Variants in PTPRN2 observed in about 807,000 individuals in gnomAD.
PTPRN2 encodes receptor-type tyrosine-protein phosphatase N2.
In PTPRN2, 74 loss-of-function variants were observed where a neutral mutation model predicts 118.8. That is an observed-to-expected ratio of 0.62 (90% CI 0.52 to 0.76). PTPRN2 has a LOEUF of 0.76. Among genes scored for constraint, PTPRN2 ranks in the 30% least tolerant of loss-of-function variants. The probability of loss-of-function intolerance (pLI) is 0.00; values close to 1 mark genes in which losing one functional copy is unlikely to be tolerated. For synonymous variants in PTPRN2, 641 were observed against 608.0 expected (o/e 1.05, Z -0.80); for missense variants, 1,481 against 1,394.4 (o/e 1.06, Z -0.99).
At chr7:157,573,006 C>T (rs1784305198) in intron 19 of PTPRN2, among the ~76,000 whole-genome samples, 1 of 152,244 alleles carries the variant, frequency 6.6e-6, no homozygotes, top group Non-Finnish European at 1.5e-5. Context: ...GCCAGAGTGC[C>T]TTGAACATTC....
chr7:158,246,618 T>A (rs796370948), intron 3 of PTPRN2, among the ~76,000 whole-genome samples: 3 of 151,926 alleles, frequency 2.0e-5, no homozygotes, highest in African/African-American at 7.3e-5. Flanking sequence ...TTCTTCCTTT[T>A]TGACCTTTTT....
intron 1 of PTPRN2, among the ~76,000 whole-genome samples, chr7:158,551,193 A>T (rs1435448501): frequency 6.6e-6 from 1 of 152,230 alleles, no homozygotes; most frequent in Non-Finnish European, 1.5e-5. Context: ...CCCTATTCCC[A>T]CTGCGGATGG....
At chr7:158,463,350 A>G (rs993422836) in intron 2 of PTPRN2, among the ~76,000 whole-genome samples, 4 of 151,928 alleles carry the variant, frequency 2.6e-5, no homozygotes, top group Admixed American at 6.6e-5. Context: ...CATCATTACT[A>G]TCATCACCAT....
At chr7:157,781,501 A>G (rs1267527032) in intron 12 of PTPRN2, among the ~76,000 whole-genome samples, 1 of 152,218 alleles carries the variant, frequency 6.6e-6, no homozygotes, top group Non-Finnish European at 1.5e-5. Context: ...CTCAGACTTC[A>G]AGGTGAGATG....
chr7:158,490,444 G>A (rs1377005663), intron 1 of PTPRN2, among the ~76,000 whole-genome samples: 1 of 152,218 alleles, frequency 6.6e-6, no homozygotes, highest in Non-Finnish European at 1.5e-5. Flanking sequence ...GAAGCTCCGC[G>A]GTGCCTGGGT....
chr7:157,658,470 G>T (rs1157135378), intron 13 of PTPRN2, among the ~76,000 whole-genome samples: 11 of 152,154 alleles, frequency 7.2e-5, no homozygotes, highest in Admixed American at 4.6e-4. Flanking sequence ...TCACTGCAGG[G>T]TCTTCGACCC....
At position 158,082,056 on chromosome 7, in the gene PTPRN2, C is replaced by T. The variant is rs187701236; in HGVS notation, c.1644-679G>A. On this transcript the variant is annotated intron_variant, in intron 10 of 22. Coordinates refer to ENST00000389418, the MANE Select transcript of PTPRN2 (RefSeq NM_002847.5). The stretch of plus-strand genomic sequence containing the variant: ...ATTCCCAAAGACAGACAGACTGACC[C>T]CATGTCCACAGATGACAGCCATAGA... Among the ~76,000 whole-genome samples, 39 of 152,300 alleles carry T rather than the reference C, an allele frequency of 2.6e-4. 1 individual carries two copies. Among genetic ancestry groups the T allele is most frequent in the African/African-American group, 9.1e-4 (38 of 41,558 alleles).
chr7:158,219,284 C>T (rs1828173334), intron 3 of PTPRN2, among the ~76,000 whole-genome samples: 1 of 152,088 alleles, frequency 6.6e-6, no homozygotes, highest in African/African-American at 2.4e-5. Flanking sequence ...TATCCAGTTA[C>T]ATCAAAATTA....
chr7:158,155,505 C>A lies in PTPRN2; in HGVS notation c.910+11426G>T, dbSNP rs1201127438. Among the ~76,000 whole-genome samples the A allele has an allele frequency of 4.5e-5, 4 of 88,538 alleles. No homozygotes were observed. The South Asian group carries it at 1.5e-3, about 33-fold the overall frequency. 58.1% of individuals were successfully genotyped at this position (88,538 alleles called of 152,430 possible). A position where few individuals can be genotyped will look rare whatever the true frequency, so the allele number is the denominator to read the frequency against. ...ATCATCATCACCATCACCATCATCACCAATGCCATCATCACCATCACCATC... is the reference window on the plus strand; with the variant it reads ...ATCATCATCACCATCACCATCATCAACAATGCCATCATCACCATCACCATC... On this transcript the variant is annotated intron_variant, in intron 6 of 22. Coordinates refer to ENST00000389418, the MANE Select transcript of PTPRN2 (RefSeq NM_002847.5).
intron 3 of PTPRN2, among the ~76,000 whole-genome samples, chr7:158,312,884 G>A (rs1249089649): frequency 1.3e-5 from 2 of 151,446 alleles, no homozygotes; most frequent in Non-Finnish European, 1.5e-5. Context: ...ATGAGCATGT[G>A]TGTGTGCAGG....
chr7:157,907,072 T>C (rs1797813233), intron 11 of PTPRN2, among the ~76,000 whole-genome samples: 1 of 152,232 alleles, frequency 6.6e-6, no homozygotes, highest in Non-Finnish European at 1.5e-5. Flanking sequence ...CAGTGTTTTA[T>C]GCTCAGATCT....
At chr7:158,315,502 A>G in intron 3 of PTPRN2, among the ~76,000 whole-genome samples, 1 of 150,574 alleles carries the variant, frequency 6.6e-6, no homozygotes, top group African/African-American at 2.4e-5. Context: ...GGACGCCCTC[A>G]AGGACAGAGG....
chr7:157,624,521 G>A (rs932761350), intron 14 of PTPRN2, among the ~76,000 whole-genome samples: 1 of 152,108 alleles, frequency 6.6e-6, no homozygotes, highest in Non-Finnish European at 1.5e-5. Context: ...TTCCTCTGCT[G>A]CTGGGCAAAC....
Position 158,054,027 on chromosome 7 carries a change from C to CAGAGATGCAGAGACCCT in PTPRN2, c.1723+27270_1723+27271insAGGGTCTCTGCATCTCT, listed in dbSNP as rs1809579330. On this transcript the variant is annotated intron_variant, in intron 11 of 22. Transcript: ENST00000389418. ...AGAGACCCTAGAGACGCAGAGACTC[C>CAGAGATGCAGAGACCCT]AGAGATGCAGAGACCCCAGAGATGC... Among the ~76,000 whole-genome samples the CAGAGATGCAGAGACCCT allele has an allele frequency of 1.6e-4, 21 of 128,184 alleles. 1 individual carries two copies. The highest frequency in any genetic ancestry group is 1.0e-3 in the East Asian group (5 of 5,002). The allele number at this position is 128,184 out of a possible 152,430, so 84.1% of individuals were successfully genotyped here. A position where few individuals can be genotyped will look rare whatever the true frequency, so the allele number is the denominator to read the frequency against.
At chr7:158,065,435 A>C (rs1462837683) in intron 11 of PTPRN2, among the ~76,000 whole-genome samples, 1 of 152,282 alleles carries the variant, frequency 6.6e-6, no homozygotes, top group Non-Finnish European at 1.5e-5. Flanking sequence ...TGGTTTGCGG[A>C]ATATGGGCCT....
rs1034751195 is a variant in PTPRN2 at position 157,785,111 on chromosome 7, T to C, written c.1789-102174A>G. ...CAAAGCTGTGTGTGTGTTTCCAGAA[T>C]GTTGGCACAGCGGCGAGAAGGCTGA... On this transcript the variant is annotated intron_variant, in intron 12 of 22. Coordinates refer to ENST00000389418, the MANE Select transcript of PTPRN2 (RefSeq NM_002847.5). The surrounding 1 kb of genome is among the most constrained non-coding windows in gnomAD (Gnocchi z 7.3). Among the ~76,000 whole-genome samples the C allele has an allele frequency of 7.2e-5, 11 of 152,002 alleles. No individual in the cohort carries two copies. The highest frequency in any genetic ancestry group is 2.7e-4 in the African/African-American group (11 of 41,392).
chr7:158,548,823 C>T (rs943302144), intron 1 of PTPRN2, among the ~76,000 whole-genome samples: 5 of 152,208 alleles, frequency 3.3e-5, no homozygotes, highest in African/African-American at 1.2e-4. Flanking sequence ...AAAGCCAGCG[C>T]AGGAGGGGGC....
chr7:157,685,821 A>G (rs754623883), intron 12 of PTPRN2, among the ~76,000 whole-genome samples: 2 of 152,078 alleles, frequency 1.3e-5, no homozygotes, highest in African/African-American at 2.4e-5. Context: ...GAGTCCCCGG[A>G]GGGGAAGCAA....
chr7:158,356,738 C>A (rs1299485388), intron 2 of PTPRN2, among the ~76,000 whole-genome samples: 1 of 151,408 alleles, frequency 6.6e-6, no homozygotes, highest in Non-Finnish European at 1.5e-5. Context: ...ATTTGAGGGG[C>A]CAGATAGGTC....
Sources: gnomAD v4.1 joint callset for allele counts (sites outside exome capture counted in the v4.1 genomes callset) on GRCh38, gnomAD v4.1.1 for gene constraint, Gnocchi (gnomAD v3.1) non-coding constraint, MANE v1.5 for transcripts, NCBI Gene and HGNC (gene_info 2026-07-23, HGNC 2026-07-21) for gene names.